The following PPM1L variants were observed in gnomAD, a reference collection of about 807,000 sequenced individuals.
PPM1L encodes the protein protein phosphatase, Mg2+/Mn2+ dependent 1L.
Under a neutral mutation model 31.4 loss-of-function variants are expected in PPM1L, and 13 were observed. The observed-to-expected ratio is 0.41, with a 90% CI of 0.27 to 0.66. PPM1L has a LOEUF of 0.66. Ranked by LOEUF, PPM1L falls within the 30% of genes least tolerant of loss-of-function variation. The pLI is 0.29. For missense variants in PPM1L, 326 were observed against 453.7 expected, an observed-to-expected ratio of 0.72 and a Z score of 2.56; for synonymous variants, 184 against 175.4, an observed-to-expected ratio of 1.05 and a Z score of -0.39.
chr3:160,908,094 G>A (rs1447628), intron 1 of PPM1L, among the ~76,000 whole-genome samples: 152,363 of 152,368 alleles, frequency 1, 76,179 homozygotes, highest in Middle Eastern at 1. Context: ...TGTATTGTCT[G>A]TGTTTGGCTA....
chr3:160,961,002 G>T (rs1481725307), intron 1 of PPM1L, among the ~76,000 whole-genome samples: 1 of 152,152 alleles, frequency 6.6e-6, no homozygotes, highest in Non-Finnish European at 1.5e-5. Flanking sequence ...TTACTAATTG[G>T]AATGTAACTA....
intron 2 of PPM1L, among the ~76,000 whole-genome samples, chr3:161,062,876 C>A (rs909521576): frequency 2.0e-5 from 3 of 152,152 alleles, no homozygotes; most frequent in African/African-American, 7.2e-5. Context: ...AATGGAAACG[C>A]CTACTAGGCA....
intron 1 of PPM1L, among the ~76,000 whole-genome samples, chr3:160,908,483 G>A (rs755025421): frequency 3.3e-5 from 5 of 152,136 alleles, no homozygotes; most frequent in Non-Finnish European, 7.4e-5. Flanking sequence ...AAGTCTACTT[G>A]AGAGAAGTTG....
At chr3:161,015,558 C>A (rs984776219) in intron 2 of PPM1L, among the ~76,000 whole-genome samples, 1 of 152,210 alleles carries the variant, frequency 6.6e-6, no homozygotes, top group Non-Finnish European at 1.5e-5. Flanking sequence ...CACCTGGGAC[C>A]TGTTTCCAGA....
At chr3:160,977,370 T>A (rs1038865604) in intron 2 of PPM1L, among the ~76,000 whole-genome samples, 2 of 152,236 alleles carry the variant, frequency 1.3e-5, no homozygotes, top group Non-Finnish European at 2.9e-5. Context: ...ACACAAACAT[T>A]TACTATGTGC....
rs1054293810 is a variant in PPM1L at position 161,070,099 on chromosome 3, G to A, written c.*942G>A. Reference sequence around the variant, plus strand: ...CTGGCAAGTAAGCTGTTTGCATTGAGAAAGGAGTGAGCTGGTGAGGTTACC... The same window carrying A: ...CTGGCAAGTAAGCTGTTTGCATTGAAAAAGGAGTGAGCTGGTGAGGTTACC... On this transcript the variant is annotated 3_prime_UTR_variant, in exon 4 of 4. Transcript: ENST00000498165. 8.5e-5 allele frequency: 13 copies of A among 152,228 alleles called. No homozygotes were observed. The highest frequency in any genetic ancestry group is 3.1e-4 in the African/African-American group (13 of 41,458). The allele number at this position is 152,228 out of a possible 1,614,324, so 9.4% of individuals were successfully genotyped here.
intron 2 of PPM1L, among the ~76,000 whole-genome samples, chr3:161,045,468 TAATC>T (rs1377576194): frequency 6.6e-6 from 1 of 152,110 alleles, no homozygotes; most frequent in Admixed American, 6.5e-5. Flanking sequence ...TTAAGAAACT[TAATC>T]AAAACCGTTC....
chr3:161,007,043 A>T (rs1231262383), intron 2 of PPM1L, among the ~76,000 whole-genome samples: 1 of 152,072 alleles, frequency 6.6e-6, no homozygotes, highest in Non-Finnish European at 1.5e-5. Context: ...TTCTCTTACC[A>T]TCCCAGTCAT....
At chr3:160,898,271 G>A (rs979258002) in intron 1 of PPM1L, among the ~76,000 whole-genome samples, 3 of 152,134 alleles carry the variant, frequency 2.0e-5, no homozygotes, top group African/African-American at 7.2e-5. Flanking sequence ...AGATAATTGT[G>A]AAGTAAAAAC....
intron 1 of PPM1L, among the ~76,000 whole-genome samples, chr3:160,859,837 GTGAGAAGGTT>G: frequency 6.6e-6 from 1 of 152,300 alleles, no homozygotes; most frequent in African/African-American, 2.4e-5. Flanking sequence ...AAGTGTATTT[GTGAGAAGGTT>G]TATGAGGTGG....
At chr3:161,062,701 A>C (rs550967368) in intron 2 of PPM1L, among the ~76,000 whole-genome samples, 97 of 152,298 alleles carry the variant, frequency 6.4e-4, no homozygotes, top group Non-Finnish European at 1.0e-3. Flanking sequence ...TTTAAAAAGA[A>C]ATCTTGCGTG....
chr3:160,933,428 C>G (rs1314187272), intron 1 of PPM1L, among the ~76,000 whole-genome samples: 1 of 152,164 alleles, frequency 6.6e-6, no homozygotes, highest in African/African-American at 2.4e-5. Context: ...AAGGTATCTT[C>G]AGACACCTGA....
At chr3:161,057,038 G>A (rs376694531) in intron 2 of PPM1L, among the ~76,000 whole-genome samples, 67 of 151,928 alleles carry the variant, frequency 4.4e-4, no homozygotes, top group Middle Eastern at 3.4e-3. Context: ...ACTCCAGCCC[G>A]GGCAACAAGA....
At chr3:160,946,954 T>G (rs1232355041) in intron 1 of PPM1L, among the ~76,000 whole-genome samples, 1 of 152,198 alleles carries the variant, frequency 6.6e-6, no homozygotes, top group African/African-American at 2.4e-5. Context: ...GACACCCAGA[T>G]ATTTTACAAT....
intron 2 of PPM1L, among the ~76,000 whole-genome samples, chr3:161,012,609 G>A (rs941938767): frequency 2.2e-4 from 33 of 151,716 alleles, no homozygotes; most frequent in Non-Finnish European, 4.0e-4. Context: ...GTTCCTCCTT[G>A]TACCTCTGGT....
intron 2 of PPM1L, among the ~76,000 whole-genome samples, chr3:160,970,051 A>G (rs1348510780): frequency 1.3e-5 from 2 of 152,176 alleles, no homozygotes; most frequent in Non-Finnish European, 2.9e-5. Context: ...ATCATATTTT[A>G]TGCTGTTATA....
intron 1 of PPM1L, among the ~76,000 whole-genome samples, chr3:160,844,936 A>G (rs1232634031): frequency 6.6e-6 from 1 of 152,078 alleles, no homozygotes; most frequent in Non-Finnish European, 1.5e-5. Context: ...ACCTAGGCAA[A>G]CACTAATCTA....
intron 2 of PPM1L, among the ~76,000 whole-genome samples, chr3:161,006,680 C>CTTTT (rs1180679318): frequency 1.1e-4 from 13 of 118,880 alleles, no homozygotes; most frequent in African/African-American, 3.0e-4. Context: ...ACCGTCTTTC[C>CTTTT]TTTTTTTTTT....
intron 1 of PPM1L, among the ~76,000 whole-genome samples, chr3:160,919,332 TTGGGCCACTTAAGAAC>T (rs991713209): frequency 6.6e-6 from 1 of 152,212 alleles, no homozygotes; most frequent in Non-Finnish European, 1.5e-5. Flanking sequence ...AGGATCATAG[TTGGGCCACTTAAGAAC>T]TGGGCTTTCT....
Sources: gnomAD v4.1 joint callset for allele counts (sites outside exome capture counted in the v4.1 genomes callset) on GRCh38, gnomAD v4.1.1 for gene constraint, MANE v1.5 for transcripts, NCBI Gene and HGNC (gene_info 2026-07-23, HGNC 2026-07-21) for gene names.